The following LMO7 variants were observed in gnomAD, a reference collection of about 807,000 sequenced individuals.
The protein encoded by LMO7 is LIM domain 7.
In LMO7, 120 loss-of-function variants were observed where a neutral mutation model predicts 206.5. The ratio of observed to expected loss-of-function variants is 0.58; its 90% CI spans 0.50 to 0.68. The LOEUF is 0.68. Ranked by LOEUF, LMO7 falls within the 30% of genes least tolerant of loss-of-function variation. The pLI, the probability that LMO7 is intolerant of heterozygous loss-of-function variation, is 0.00. For missense variants in LMO7, 1,959 were observed against 1,957.9 expected, an observed-to-expected ratio of 1.00 and a Z score of -0.01; for synonymous variants, 706 against 681.5, an observed-to-expected ratio of 1.04 and a Z score of -0.56.
chr13:75,622,044 G>A, intron 1 of LMO7, among the ~76,000 whole-genome samples: 1 of 152,022 alleles, frequency 6.6e-6, no homozygotes, highest in Non-Finnish European at 1.5e-5. Context: ...CTATCCCCGG[G>A]CATTTTCTTG....
At chr13:75,735,412 A>AAG (rs1407914846) in intron 3 of LMO7, among the ~76,000 whole-genome samples, 5 of 152,064 alleles carry the variant, frequency 3.3e-5, no homozygotes, top group African/African-American at 1.2e-4. Flanking sequence ...AGTGAGTCAG[A>AAG]AGAGGTTTGT....
intron 27 of LMO7, among the ~76,000 whole-genome samples, chr13:75,851,590 G>C (rs2060508036): frequency 6.6e-6 from 1 of 152,080 alleles, no homozygotes; most frequent in Admixed American, 6.6e-5. Context: ...TTTCAAGCTT[G>C]GGATAAGATA....
At chr13:75,795,266 A>G (rs965302548) in intron 4 of LMO7, 135 bp from the exon 5 acceptor site, 199 of 596,868 alleles carry the variant, frequency 3.3e-4, no homozygotes, top group Non-Finnish European at 4.2e-4. Context: ...AGATAATATG[A>G]GCTCTAAGAG....
intron 29 of LMO7, 133 bp from the exon 30 acceptor site, chr13:75,856,373 T>TC (rs1196725885): frequency 3.6e-6 from 2 of 548,084 alleles, no homozygotes; most frequent in South Asian, 2.3e-5. Flanking sequence ...TCTTTCGGCC[T>TC]TTTTTTTTCT....
At chr13:75,653,503 G>T (rs187632470) in intron 1 of LMO7, among the ~76,000 whole-genome samples, 2 of 152,344 alleles carry the variant, frequency 1.3e-5, no homozygotes, top group Admixed American at 1.3e-4. Context: ...AGTGCCTGGA[G>T]CCTTGATGAT....
chr13:75,755,212 C>T (rs913213274), intron 3 of LMO7, among the ~76,000 whole-genome samples: 12 of 151,984 alleles, frequency 7.9e-5, no homozygotes, highest in African/African-American at 1.9e-4. Flanking sequence ...TCTTCACTGC[C>T]GCTTATTATT....
At chr13:75,714,339 A>T (rs2043346466) in intron 2 of LMO7, among the ~76,000 whole-genome samples, 1 of 152,174 alleles carries the variant, frequency 6.6e-6, no homozygotes. Flanking sequence ...TGAGTTCAAC[A>T]ATATATATTT....
At chr13:75,624,203 T>C (rs1485576633) in intron 2 of LMO7, among the ~76,000 whole-genome samples, 1 of 152,254 alleles carries the variant, frequency 6.6e-6, no homozygotes, top group African/African-American at 2.4e-5. Context: ...AGTAGAGCTA[T>C]GTATCCACCT....
chr13:75,714,062 A>G (rs1447938982), intron 2 of LMO7, among the ~76,000 whole-genome samples: 2 of 152,214 alleles, frequency 1.3e-5, no homozygotes, highest in African/African-American at 2.4e-5. Flanking sequence ...TCGCACAGGT[A>G]TTTATGCTAT....
intron 1 of LMO7, among the ~76,000 whole-genome samples, chr13:75,657,800 T>C (rs191204613): frequency 2.6e-4 from 39 of 152,370 alleles, no homozygotes; most frequent in African/African-American, 8.4e-4. Flanking sequence ...GTTCCAAATA[T>C]CTTCTCTAAG....
intron 11 of LMO7, among the ~76,000 whole-genome samples, chr13:75,814,236 T>A (rs1287192735): frequency 6.6e-6 from 1 of 152,190 alleles, no homozygotes; most frequent in African/African-American, 2.4e-5. Context: ...ACATTTTAAG[T>A]ATAGCAAATT....
At chr13:75,710,156 A>G (rs564597300) in intron 1 of LMO7, among the ~76,000 whole-genome samples, 17 of 152,158 alleles carry the variant, frequency 1.1e-4, no homozygotes, top group African/African-American at 3.1e-4. Flanking sequence ...CCATTGGTCT[A>G]TATCTCTGTT....
intron 3 of LMO7, among the ~76,000 whole-genome samples, chr13:75,738,187 G>T (rs1038402883): frequency 6.6e-6 from 1 of 152,178 alleles, no homozygotes; most frequent in African/African-American, 2.4e-5. Flanking sequence ...TCTGTGTAAG[G>T]GTTTAAGCTG....
At chr13:75,710,248 T>G (rs918833476) in intron 1 of LMO7, among the ~76,000 whole-genome samples, 7 of 152,276 alleles carry the variant, frequency 4.6e-5, no homozygotes, top group African/African-American at 7.2e-5. Context: ...CTCCAGCTTT[T>G]TTCTTTTGGC....
At chr13:75,776,112 T>TATATAC (rs1491138251) in intron 4 of LMO7, among the ~76,000 whole-genome samples, 1,113 of 77,258 alleles carry the variant, frequency 0.014, 27 homozygotes, top group African/African-American at 0.041. Flanking sequence ...TATATATATA[T>TATATAC]ACATACATAC....
intron 2 of LMO7, among the ~76,000 whole-genome samples, chr13:75,720,680 C>T (rs933773601): frequency 3.3e-5 from 5 of 152,184 alleles, no homozygotes; most frequent in African/African-American, 9.7e-5. Flanking sequence ...ATGCTTCAAG[C>T]ACAACAGTGA....
intron 3 of LMO7, among the ~76,000 whole-genome samples, chr13:75,754,847 G>T (rs954339669): frequency 5.9e-5 from 9 of 152,222 alleles, no homozygotes; most frequent in African/African-American, 2.2e-4. Context: ...ACCAGTGTGA[G>T]AATATTCATA....
rs1347408630 is a variant in LMO7 at position 75,832,723 on chromosome 13, A to G, written c.2950-328A>G. ...ACTGTACTTTATTCCTGGGCAGTGA[A>G]TAAATGGCCTGGCCTATAAGTTAGA... On this transcript the variant is annotated intron_variant, in intron 15 of 30. Transcript: ENST00000377534. Among the ~76,000 whole-genome samples, 4 of 152,176 alleles carry G rather than the reference A, an allele frequency of 2.6e-5. No homozygotes were observed. In the East Asian group the frequency reaches 7.7e-4, roughly 29 times the overall value.
intron 4 of LMO7, among the ~76,000 whole-genome samples, chr13:75,763,783 G>A (rs1388833672): frequency 6.6e-6 from 1 of 152,084 alleles, no homozygotes. Flanking sequence ...AGTGGGCAGT[G>A]GTGATAGTTG....
Sources: allele counts gnomAD v4.1 joint callset (sites outside exome capture counted in the v4.1 genomes callset), GRCh38; gene constraint gnomAD v4.1.1; transcripts MANE v1.5; gene names NCBI Gene and HGNC (gene_info 2026-07-23, HGNC 2026-07-21).